The following POLR3B variants were observed in gnomAD, a reference collection of about 807,000 sequenced individuals.
The protein encoded by POLR3B is DNA-directed RNA polymerase III subunit RPC2.
A neutral mutation model predicts 147.4 loss-of-function variants in POLR3B; 96 were observed. The observed-to-expected ratio is 0.65, with a 90% CI of 0.55 to 0.77. The LOEUF (loss-of-function observed/expected upper bound fraction) is 0.77. POLR3B is among the 30% of genes least tolerant of loss of function. POLR3B has a pLI of 0.00. For missense variants in POLR3B, 1,036 were observed against 1,413.5 expected, an observed-to-expected ratio of 0.73 and a Z score of 4.28; for synonymous variants, 461 against 485.9, an observed-to-expected ratio of 0.95 and a Z score of 0.67.
Position 106,496,798 on chromosome 12 carries a change from A to T in POLR3B, c.2864A>T (p.Asp955Val), listed in dbSNP as rs553733271. Reference protein sequence around the residue: ...ELLAGKAGVLDGRFHYGTAFG... With the variant: ...ELLAGKAGVLVGRFHYGTAFG... ...CTGGCTGGCAAGGCCGGTGTGCTGG[A>T]CGGCAGATTCCACTACGGCACTGCG... The change falls in exon 25 of 28, where the codon GAC becomes GTC. Residue 955 changes from aspartate to valine, a missense_variant. Around this residue, in one of 12 missense-constraint regions of POLR3B, gnomAD observed 88 missense variants for 87.5 expected, o/e 1.01. Coordinates refer to ENST00000228347, the MANE Select transcript of POLR3B (RefSeq NM_018082.6). 6.2e-7 allele frequency: 1 copy of T among 1,614,134 alleles called. No homozygotes were observed. The highest frequency in any genetic ancestry group is 1.1e-5 in the South Asian group (1 of 91,072).
chr12:106,479,004 A>G (rs551217522), intron 23 of POLR3B, among the ~76,000 whole-genome samples: 1 of 151,414 alleles, frequency 6.6e-6, no homozygotes, highest in African/African-American at 2.4e-5. Flanking sequence ...CTCCTACTTT[A>G]TTCCTTTCTC....
intron 18 of POLR3B, among the ~76,000 whole-genome samples, chr12:106,444,259 A>G (rs1000825967): frequency 5.3e-5 from 8 of 152,230 alleles, no homozygotes; most frequent in Non-Finnish European, 1.2e-4. Context: ...TGTTGAATAT[A>G]GTAATTTATG....
rs531577139 is a variant in POLR3B at position 106,358,653 on chromosome 12, C to T, written c.72+702C>T. ...TGGAATAGGGAAGTGGAGACGTGGC[C>T]GGAGAAGATAGCAAAGGAGAGATTT... On this transcript the variant is annotated intron_variant, in intron 1 of 27. Transcript: ENST00000228347. Among the ~76,000 whole-genome samples, 9 of 152,124 alleles carry T rather than the reference C, an allele frequency of 5.9e-5. No individual in the cohort carries two copies. The East Asian group carries it at 1.5e-3, about 26-fold the overall frequency.
intron 27 of POLR3B, chr12:106,507,665 G>C (rs1166969408): frequency 2.3e-6 from 1 of 425,642 alleles, no homozygotes; most frequent in Non-Finnish European, 4.7e-6. Flanking sequence ...TCAAATACAG[G>C]TTAAGCACCC....
intron 9 of POLR3B, 117 bp from the exon 10 acceptor site, chr12:106,392,914 A>G: frequency 1.5e-6 from 2 of 1,301,774 alleles, no homozygotes; most frequent in Non-Finnish European, 2.2e-6. Context: ...CATTTCTGAG[A>G]GAAGAGCTAG....
chr12:106,496,931 T>C lies in POLR3B; in HGVS notation c.2984+13T>C. On this transcript the variant is annotated intron_variant, in intron 25 of 27. Transcript: ENST00000228347. ...CCGGCATCACAGGGTAAGCATGCGA[T>C]TGAGCTATTTTAAAGAAAAAGAATG... 1 of 1,612,298 alleles carries C rather than the reference T, an allele frequency of 6.2e-7. No homozygotes were observed. Among genetic ancestry groups the C allele is most frequent in the African/African-American group, 1.3e-5 (1 of 74,974 alleles).
intron 15 of POLR3B, 107 bp downstream of exon 15, chr12:106,432,587 C>A: frequency 1.1e-6 from 1 of 920,340 alleles, no homozygotes; most frequent in Non-Finnish European, 1.8e-6. Context: ...AATTCTGGGC[C>A]CAGGTTGACC....
At chr12:106,502,552 G>A (rs2038618430) in intron 26 of POLR3B, among the ~76,000 whole-genome samples, 1 of 152,294 alleles carries the variant, frequency 6.6e-6, no homozygotes, top group Non-Finnish European at 1.5e-5. Flanking sequence ...CTTTCACTGA[G>A]CACTGCCTGG....
intron 1 of POLR3B, among the ~76,000 whole-genome samples, chr12:106,360,755 G>A (rs564705540): frequency 3.3e-5 from 5 of 152,314 alleles, no homozygotes; most frequent in African/African-American, 4.8e-5. Flanking sequence ...CAGTGTTACT[G>A]AGTACTTACC....
intron 9 of POLR3B, among the ~76,000 whole-genome samples, chr12:106,383,559 A>G (rs959489995): frequency 6.6e-6 from 1 of 152,084 alleles, no homozygotes; most frequent in Non-Finnish European, 1.5e-5. Flanking sequence ...GCTCAAGGAG[A>G]AGGGAGACAG....
chr12:106,508,306 A>G (rs1441883450), intron 27 of POLR3B, among the ~76,000 whole-genome samples: 2 of 152,230 alleles, frequency 1.3e-5, no homozygotes, highest in Non-Finnish European at 2.9e-5. Context: ...AAGAATATGC[A>G]CATTTACAGT....
chr12:106,477,215 G>C (rs1176306343), intron 23 of POLR3B, among the ~76,000 whole-genome samples: 1 of 113,100 alleles, frequency 8.8e-6, no homozygotes, highest in Non-Finnish European at 1.7e-5. Context: ...TGAGGAGGCA[G>C]TCTGCCCATT....
chr12:106,386,948 ATG>A (rs2036848052), intron 9 of POLR3B, among the ~76,000 whole-genome samples: 2 of 152,112 alleles, frequency 1.3e-5, no homozygotes, highest in Non-Finnish European at 2.9e-5. Flanking sequence ...AGTTTGTTTA[ATG>A]TTTATATTGT....
chr12:106,357,990 T>C (rs2036411032), intron 1 of POLR3B, 39 bp downstream of exon 1: 1 of 1,606,956 alleles, frequency 6.2e-7, no homozygotes, highest in African/African-American at 1.3e-5. Context: ...GGGACAAGGA[T>C]GCGCCCTGAG....
chr12:106,427,813 G>C (rs915157913), intron 13 of POLR3B, among the ~76,000 whole-genome samples: 1 of 152,126 alleles, frequency 6.6e-6, no homozygotes, highest in Admixed American at 6.6e-5. Context: ...GATGAATTCA[G>C]TTCTCGGCAG....
At chr12:106,492,795 A>C (rs2038424455) in intron 23 of POLR3B, among the ~76,000 whole-genome samples, 1 of 152,168 alleles carries the variant, frequency 6.6e-6, no homozygotes. Context: ...TTACAACTAG[A>C]AATTAAGATG....
chr12:106,392,960 A>G, intron 9 of POLR3B, 71 bp from the exon 10 acceptor site: 7 of 1,596,700 alleles, frequency 4.4e-6, no homozygotes, highest in Non-Finnish European at 6.0e-6. Context: ...AACAATGCCA[A>G]ATTAGCATAA....
chr12:106,432,553 G>T, intron 15 of POLR3B, 73 bp downstream of exon 15: 3 of 1,237,354 alleles, frequency 2.4e-6, no homozygotes, highest in South Asian at 1.2e-5. Context: ...TATTATCCTG[G>T]TATTTAAAGC....
chr12:106,440,151 C>G (rs1429605250), intron 18 of POLR3B, among the ~76,000 whole-genome samples: 1 of 152,164 alleles, frequency 6.6e-6, no homozygotes, highest in Non-Finnish European at 1.5e-5. Flanking sequence ...TTGTATTACT[C>G]AAGCCAACAA....
Sources: gnomAD v4.1 joint callset for allele counts (sites outside exome capture counted in the v4.1 genomes callset) on GRCh38, gnomAD v4.1.1 for gene constraint, gnomAD v4.1.1 regional missense constraint, MANE v1.5 for transcripts, NCBI Gene and HGNC (gene_info 2026-07-23, HGNC 2026-07-21) for gene names.